Variants in TIMM44 observed in about 807,000 individuals in gnomAD.
TIMM44 encodes the protein mitochondrial import inner membrane translocase subunit TIM44.
Under a neutral mutation model 63.8 loss-of-function variants are expected in TIMM44, and 37 were observed. The observed-to-expected ratio is 0.58, with a 90% confidence interval of 0.45 to 0.76. TIMM44 has a LOEUF of 0.76. Ranked by LOEUF, TIMM44 falls within the 30% of genes least tolerant of loss-of-function variation. The pLI, the probability that TIMM44 is intolerant of heterozygous loss-of-function variation, is 0.00. For missense variants in TIMM44, 573 were observed against 603.8 expected (o/e 0.95, Z 0.54); for synonymous variants, 239 against 245.1 (o/e 0.98, Z 0.23).
intron 3 of TIMM44, among the ~76,000 whole-genome samples, chr19:7,936,400 C>T (rs1984156250): frequency 6.6e-6 from 1 of 151,620 alleles, no homozygotes; most frequent in Non-Finnish European, 1.5e-5. Flanking sequence ...TGCAGTGAGC[C>T]GAGATCGCAC....
In TIMM44 at chr19:7,934,547, G is replaced by A. The variant is rs923453875; in HGVS notation, c.394-309C>T. On this transcript the variant is annotated intron_variant, in intron 4 of 12. Coordinates refer to ENST00000270538, the MANE Select transcript of TIMM44 (RefSeq NM_006351.4). This position sits in a 1 kb window ranked among gnomAD's most constrained non-coding sequence, Gnocchi z 5.3. ...TCCGGGATGCTGGCCCTGGGCTCTGGGTGAGACGCTGGGTCTGCTGGCCCC... is the reference window on the plus strand; with the variant it reads ...TCCGGGATGCTGGCCCTGGGCTCTGAGTGAGACGCTGGGTCTGCTGGCCCC... Among the ~76,000 whole-genome samples, 8 of 152,118 alleles carry A rather than the reference G, an allele frequency of 5.3e-5. No homozygotes were observed. The highest frequency in any genetic ancestry group is 1.9e-4 in the East Asian group (1 of 5,182).
chr19:7,932,135 G>T (rs1984002409), intron 9 of TIMM44: 1 of 177,504 alleles, frequency 5.6e-6, no homozygotes, highest in African/African-American at 2.4e-5. Flanking sequence ...AGGCTTATAG[G>T]GGGCAGGCTG....
intron 1 of TIMM44, among the ~76,000 whole-genome samples, chr19:7,942,642 C>CTTACTT (rs1295487870): frequency 7.9e-5 from 12 of 151,274 alleles, no homozygotes; most frequent in African/African-American, 2.7e-4. Flanking sequence ...CTACTATCTC[C>CTTACTT]TGTATTTACT....
chr19:7,937,873 C>T, intron 3 of TIMM44, 154 bp downstream of exon 3: 1 of 864,634 alleles, frequency 1.2e-6, no homozygotes, highest in Non-Finnish European at 1.9e-6. Flanking sequence ...CAAAAATTAG[C>T]TGGGCGTGGT....
At chr19:7,938,713 A>G (rs142087586) in intron 2 of TIMM44, among the ~76,000 whole-genome samples, 153 of 152,292 alleles carry the variant, frequency 1.0e-3, no homozygotes, top group Middle Eastern at 3.4e-3. Context: ...AGGCTGAGGC[A>G]CAAGAATTGC....
chr19:7,927,885 C>T (rs1253079207), intron 11 of TIMM44, 118 bp from the exon 12 acceptor site: 10 of 1,181,944 alleles, frequency 8.5e-6, no homozygotes, highest in South Asian at 1.3e-5. Context: ...GGCCCAGCAC[C>T]GGTCCCTCCC....
intron 10 of TIMM44, chr19:7,929,025 TCTC>T (rs1294718221): frequency 5.3e-5 from 8 of 152,058 alleles, no homozygotes; most frequent in African/African-American, 1.9e-4. Context: ...TCTGACATCT[TCTC>T]CTCTGCTTTT....
intron 2 of TIMM44, 85 bp from the exon 3 acceptor site, chr19:7,938,282 T>C (rs1984213447): frequency 3.6e-5 from 38 of 1,068,772 alleles, no homozygotes; most frequent in Non-Finnish European, 5.1e-5. Context: ...CAGGGATTTT[T>C]TTAAATGTTC....
Position 7,941,132 on chromosome 19 carries a change from C to A in TIMM44, c.111G>T (p.Gln37His). ...SHNLPHGSTYQMRRPGGELPL... is the reference protein window; with the variant it reads ...SHNLPHGSTYHMRRPGGELPL... ...GCAGCTCTCCGCCCGGCCGGCGCATCTGATAGGTCGACCCATGGGGTAGGT... is the reference window on the plus strand; with the variant it reads ...GCAGCTCTCCGCCCGGCCGGCGCATATGATAGGTCGACCCATGGGGTAGGT... The change falls in exon 2 of 13, where the codon CAG becomes CAT. Residue 37 changes from glutamine to histidine, a missense_variant. By Grantham distance (24) the Gln-to-His change is conservative. Coordinates refer to ENST00000270538, the MANE Select transcript of TIMM44 (RefSeq NM_006351.4). 6.2e-7 allele frequency: 1 copy of A among 1,614,112 alleles called. No homozygotes were observed. The highest frequency in any genetic ancestry group is 8.5e-7 in the Non-Finnish European group (1 of 1,180,016).
intron 3 of TIMM44, among the ~76,000 whole-genome samples, chr19:7,936,039 A>C (rs1984145472): frequency 6.6e-6 from 1 of 152,190 alleles, no homozygotes; most frequent in Non-Finnish European, 1.5e-5. Context: ...CTTTAGTCAC[A>C]GCTACTCAGG....
rs540466785 is a variant in TIMM44 at position 7,934,352 on chromosome 19, G to A, written c.394-114C>T. The A allele has an allele frequency of 3.4e-5, 47 of 1,395,274 alleles. No homozygotes were observed. Among genetic ancestry groups the A allele is most frequent in the African/African-American group, 1.1e-4 (8 of 70,750 alleles). The allele number at this position is 1,395,274 out of a possible 1,614,324, so 86.4% of individuals were successfully genotyped here. On this transcript the variant is annotated intron_variant, in intron 4 of 12. Transcript: ENST00000270538. This position sits in a 1 kb window ranked among gnomAD's most constrained non-coding sequence, Gnocchi z 5.3. Reference sequence around the variant, plus strand: ...AGGGCGGATCTGGTTCCCCGAGGCCGGCAGAGGCCTTCTGTGCTCCTGTGG... The same window carrying A: ...AGGGCGGATCTGGTTCCCCGAGGCCAGCAGAGGCCTTCTGTGCTCCTGTGG...
Position 7,928,176 on chromosome 19 carries a change from G to A in TIMM44, c.1039-10C>T. 6.2e-7 allele frequency: 1 copy of A among 1,612,270 alleles called. No individual in the cohort carries two copies. The highest frequency in any genetic ancestry group is 8.5e-7 in the Non-Finnish European group (1 of 1,179,058). On this transcript the variant is annotated splice_polypyrimidine_tract_variant and intron_variant, in intron 10 of 12. Coordinates refer to ENST00000270538, the MANE Select transcript of TIMM44 (RefSeq NM_006351.4). ...CCAGCTGGCTGTAAGTCTGCAATGA[G>A]AGGCCGACACGCCTGCGTGATGCCA...
Position 7,932,759 on chromosome 19 carries a change from G to A in TIMM44, c.863-8C>T, listed in dbSNP as rs55991628. ...TCTTGGAGAACAGGCCCCCTGCAGG[G>A]AGCAGAGCCGGGAGTTCGGGGGGAA... On this transcript the variant is annotated splice_region_variant and splice_polypyrimidine_tract_variant and intron_variant, in intron 8 of 12. Coordinates refer to ENST00000270538, the MANE Select transcript of TIMM44 (RefSeq NM_006351.4). 0.067 allele frequency: 107,953 copies of A among 1,614,014 alleles called. 3,759 individuals are homozygous for A. Among genetic ancestry groups the A allele is most frequent in the Middle Eastern group, 0.077 (464 of 6,062 alleles).
chr19:7,932,956 G>A (rs758839792), intron 7 of TIMM44, 24 bp from the exon 8 acceptor site: 3 of 1,603,184 alleles, frequency 1.9e-6, no homozygotes, highest in Non-Finnish European at 2.6e-6. Flanking sequence ...GGTAGGTGCT[G>A]GAGAAGGGGC....
At chr19:7,930,596 G>A (rs113944886) in intron 10 of TIMM44, among the ~76,000 whole-genome samples, 4,779 of 152,194 alleles carry the variant, frequency 0.031, 121 homozygotes, top group Non-Finnish European at 0.043. Flanking sequence ...ATGAGCCACC[G>A]CACCCTGCCA....
chr19:7,942,439 G>GA lies in TIMM44; in HGVS notation c.45+1167dup, dbSNP rs397785040. 3.5e-4 allele frequency among the ~76,000 whole-genome samples: 51 copies of GA among 143,694 alleles called. No homozygotes were observed. In the Middle Eastern group the frequency reaches 0.014, roughly 40 times the overall value. The allele number at this position is 143,694 out of a possible 152,430, so 94.3% of individuals were successfully genotyped here. On this transcript the variant is annotated intron_variant, in intron 1 of 12. Coordinates refer to ENST00000270538, the MANE Select transcript of TIMM44 (RefSeq NM_006351.4). Reference sequence around the variant, plus strand: ...ACCCTGCCTCCATAAAAAATTGGGGGAAAAAAAAAAAGCTCTGTGCAGGTC... The same window carrying GA: ...ACCCTGCCTCCATAAAAAATTGGGGGAAAAAAAAAAAAGCTCTGTGCAGGTC...
chr19:7,936,277 C>T (rs1012400004), intron 3 of TIMM44, among the ~76,000 whole-genome samples: 1 of 152,072 alleles, frequency 6.6e-6, no homozygotes, highest in African/African-American at 2.4e-5. Context: ...GTGATGAAAC[C>T]CCGTCTCCAC....
rs369619285 is a variant in TIMM44, at chr19:7,943,164, G to A, written c.45+443C>T. 2.6e-5 allele frequency among the ~76,000 whole-genome samples: 4 copies of A among 152,224 alleles called. No homozygotes were observed. Among genetic ancestry groups the A allele is most frequent in the African/African-American group, 9.6e-5 (4 of 41,540 alleles). ...CCTGTGGACCCAAGAGCCTGCTAGG[G>A]CGCGAACCACCTCTCGCACATCCAC... On this transcript the variant is annotated intron_variant, in intron 1 of 12. Coordinates refer to ENST00000270538, the MANE Select transcript of TIMM44 (RefSeq NM_006351.4). The surrounding 1 kb of genome is among the most constrained non-coding windows in gnomAD (Gnocchi z 4.3).
rs1351460868 is a variant in TIMM44, at chr19:7,941,216, G to C, written c.46-19C>G. The stretch of plus-strand genomic sequence containing the variant: ...GGCATCTCTAATTGGGGGGAGAGAA[G>C]AGAAAGATCCATTCTAACAAGAGGT... On this transcript the variant is annotated intron_variant, in intron 1 of 12. Transcript: ENST00000270538. The C allele has an allele frequency of 6.3e-7, 1 of 1,584,088 alleles. No individual in the cohort carries two copies. The highest frequency in any genetic ancestry group is 8.7e-7 in the Non-Finnish European group (1 of 1,152,958).
Sources: allele counts gnomAD v4.1 joint callset (sites outside exome capture counted in the v4.1 genomes callset), GRCh38; gene constraint gnomAD v4.1.1; non-coding constraint Gnocchi (gnomAD v3.1); transcripts MANE v1.5; gene names NCBI Gene and HGNC (gene_info 2026-07-23, HGNC 2026-07-21).